BRINP3: variants seen among roughly 807,000 people sequenced by gnomAD.
BRINP3 encodes BMP/retinoic acid-inducible neural-specific protein 3.
Under a neutral mutation model 71.0 loss-of-function variants are expected in BRINP3, and 19 were observed. The observed-to-expected ratio is 0.27, with a 90% CI of 0.19 to 0.39. The LOEUF (loss-of-function observed/expected upper bound fraction) is 0.39, where lower values mean the gene tolerates loss of function less well. Among genes scored for constraint, BRINP3 ranks in the 10% least tolerant of loss-of-function variants. BRINP3 has a pLI of 1.00. For synonymous variants in BRINP3, 380 were observed against 337.7 expected, an observed-to-expected ratio of 1.13 and a Z score of -1.37; for missense variants, 959 against 940.8, an observed-to-expected ratio of 1.02 and a Z score of -0.25.
chr1:190,158,180 A>G (rs1657031101), intron 7 of BRINP3, among the ~76,000 whole-genome samples: 1 of 152,042 alleles, frequency 6.6e-6, no homozygotes, highest in Non-Finnish European at 1.5e-5. Flanking sequence ...GTGATAGTGA[A>G]TAAGTCTCAT....
intron 2 of BRINP3, among the ~76,000 whole-genome samples, chr1:190,429,593 C>CTTTTTTTTTTTTTTTTTT (rs66510191): frequency 7.2e-6 from 1 of 139,008 alleles, no homozygotes; most frequent in Non-Finnish European, 1.6e-5. Context: ...TTCTTTCTTC[C>CTTTTTTTTTTTTTTTTTT]TTTTTTTTTT....
chr1:190,149,435 G>A (rs1392836234), intron 7 of BRINP3, among the ~76,000 whole-genome samples: 1 of 152,206 alleles, frequency 6.6e-6, no homozygotes, highest in East Asian at 1.9e-4. Flanking sequence ...AATAATTTCA[G>A]GTAGTGACAC....
intron 2 of BRINP3, among the ~76,000 whole-genome samples, chr1:190,335,403 G>A (rs1300606053): frequency 1.3e-5 from 2 of 151,748 alleles, no homozygotes; most frequent in Non-Finnish European, 2.9e-5. Flanking sequence ...ATAATAGGAT[G>A]ATGTCTTTAT....
chr1:190,427,028 G>T (rs1355635023), intron 2 of BRINP3, among the ~76,000 whole-genome samples: 1 of 151,618 alleles, frequency 6.6e-6, no homozygotes, highest in East Asian at 1.9e-4. Flanking sequence ...TACACTTCAG[G>T]TATGTATTTG....
chr1:190,317,815 C>A (rs996147427), intron 2 of BRINP3, among the ~76,000 whole-genome samples: 10 of 152,168 alleles, frequency 6.6e-5, no homozygotes, highest in African/African-American at 2.4e-4. Flanking sequence ...GGTAAAATCT[C>A]TACTAGTTTG....
chr1:190,145,762 T>C (rs1404601661), intron 7 of BRINP3, among the ~76,000 whole-genome samples: 1 of 152,034 alleles, frequency 6.6e-6, no homozygotes, highest in Non-Finnish European at 1.5e-5. Flanking sequence ...TGCAAAGATA[T>C]GAAACCAACC....
intron 6 of BRINP3, among the ~76,000 whole-genome samples, chr1:190,199,538 G>A (rs1487085428): frequency 6.6e-6 from 1 of 151,944 alleles, no homozygotes; most frequent in East Asian, 1.9e-4. Context: ...AGAGCAATAA[G>A]GCTCCAAACT....
At position 190,477,662 on chromosome 1, in the gene BRINP3, C is replaced by T. The variant is rs1677581367; in HGVS notation, c.-265G>A. 1 of 150,666 alleles carries T rather than the reference C, an allele frequency of 6.6e-6. No individual in the cohort carries two copies. The highest frequency in any genetic ancestry group is 2.1e-4 in the South Asian group (1 of 4,750). 9.3% of individuals were successfully genotyped at this position (150,666 alleles called of 1,614,324 possible). A position where few individuals can be genotyped will look rare whatever the true frequency, so the allele number is the denominator to read the frequency against. ...GGCAAGAAAGCAGAATGTGAAAATG[C>T]TTTATATGGGGGGGTGGGGAATGGT... On this transcript the variant is annotated 5_prime_UTR_variant, in exon 1 of 8. Transcript: ENST00000367462.
chr1:190,200,036 T>C (rs1326980159), intron 6 of BRINP3, among the ~76,000 whole-genome samples: 2 of 152,134 alleles, frequency 1.3e-5, no homozygotes, highest in Admixed American at 6.6e-5. Context: ...TTCTCCTAGA[T>C]GTAGTTCAAG....
intron 2 of BRINP3, among the ~76,000 whole-genome samples, chr1:190,297,593 G>A (rs1376088665): frequency 6.6e-6 from 1 of 151,888 alleles, no homozygotes; most frequent in Non-Finnish European, 1.5e-5. Context: ...ATAAATAAAT[G>A]TTGAATTTCA....
At chr1:190,208,714 C>G (rs1158530483) in intron 6 of BRINP3, among the ~76,000 whole-genome samples, 2 of 151,802 alleles carry the variant, frequency 1.3e-5, no homozygotes, top group Admixed American at 6.6e-5. Flanking sequence ...AGGCTGGACT[C>G]TAACTCCTGG....
intron 3 of BRINP3, among the ~76,000 whole-genome samples, chr1:190,271,926 T>G (rs1237637936): frequency 6.6e-6 from 1 of 151,508 alleles, no homozygotes; most frequent in African/African-American, 2.4e-5. Flanking sequence ...AACTGGAAAG[T>G]GACACATAAC....
intron 4 of BRINP3, among the ~76,000 whole-genome samples, chr1:190,238,049 T>C (rs899347471): frequency 1.3e-5 from 2 of 152,084 alleles, no homozygotes; most frequent in African/African-American, 2.4e-5. Context: ...AATTTGTTAC[T>C]GATACCTGCA....
chr1:190,129,939 C>A (rs1654396291), intron 7 of BRINP3, among the ~76,000 whole-genome samples: 1 of 151,944 alleles, frequency 6.6e-6, no homozygotes, highest in Admixed American at 6.6e-5. Context: ...ATTCAAATAT[C>A]TATTCTGGAG....
chr1:190,135,580 T>C (rs537425515), intron 7 of BRINP3, among the ~76,000 whole-genome samples: 47 of 152,218 alleles, frequency 3.1e-4, no homozygotes, highest in Non-Finnish European at 5.6e-4. Flanking sequence ...GAGATAACAA[T>C]AATCATGCCA....
chr1:190,176,233 C>T (rs756223171), intron 6 of BRINP3, among the ~76,000 whole-genome samples: 10 of 152,042 alleles, frequency 6.6e-5, no homozygotes, highest in Non-Finnish European at 1.0e-4. Context: ...GAAAGATGAC[C>T]CAACTGTACC....
chr1:190,245,441 G>GA (rs1168054523), intron 4 of BRINP3, among the ~76,000 whole-genome samples: 1 of 151,182 alleles, frequency 6.6e-6, no homozygotes, highest in Non-Finnish European at 1.5e-5. Flanking sequence ...AGTGCCAGGG[G>GA]AAAAAAACAA....
At chr1:190,147,634 C>T (rs1393625800) in intron 7 of BRINP3, among the ~76,000 whole-genome samples, 1 of 152,148 alleles carries the variant, frequency 6.6e-6, no homozygotes, top group African/African-American at 2.4e-5. Context: ...ACTTGGTTAC[C>T]TTTCCAGTGA....
intron 6 of BRINP3, among the ~76,000 whole-genome samples, chr1:190,193,833 T>G (rs1344377674): frequency 6.6e-6 from 1 of 152,044 alleles, no homozygotes; most frequent in Non-Finnish European, 1.5e-5. Flanking sequence ...CTCTTTAAAA[T>G]GTAATCGTAA....
Sources: gnomAD v4.1 joint callset for allele counts (sites outside exome capture counted in the v4.1 genomes callset) on GRCh38, gnomAD v4.1.1 for gene constraint, MANE v1.5 for transcripts, NCBI Gene and HGNC (gene_info 2026-07-23, HGNC 2026-07-21) for gene names.